SIPA1L1: variants seen among roughly 807,000 people sequenced by gnomAD.
SIPA1L1 encodes signal-induced proliferation-associated 1-like protein 1.
A neutral mutation model predicts 162.7 loss-of-function variants in SIPA1L1; 26 were observed. The ratio of observed to expected loss-of-function variants is 0.16; its 90% confidence interval spans 0.12 to 0.22. The LOEUF (loss-of-function observed/expected upper bound fraction) is 0.22. SIPA1L1 is among the 10% of genes least tolerant of loss of function. The probability of loss-of-function intolerance (pLI) is 1.00; values close to 1 mark genes in which losing one functional copy is unlikely to be tolerated. For missense variants in SIPA1L1, 1,874 were observed against 2,241.0 expected (o/e 0.84, Z 3.31); for synonymous variants, 829 against 837.4 (o/e 0.99, Z 0.17).
At chr14:71,391,604 G>GGTCA (rs2040764617) in intron 2 of SIPA1L1, among the ~76,000 whole-genome samples, 1 of 152,190 alleles carries the variant, frequency 6.6e-6, no homozygotes, top group Admixed American at 6.5e-5. Flanking sequence ...GTTCTGTAAA[G>GGTCA]GTCAGTGCTA....
intron 2 of SIPA1L1, among the ~76,000 whole-genome samples, chr14:71,474,725 T>A (rs1029778403): frequency 3.9e-5 from 6 of 152,334 alleles, no homozygotes; most frequent in Non-Finnish European, 7.4e-5. Flanking sequence ...CTCCCCTGAT[T>A]GGTATCTTCG....
intron 7 of SIPA1L1, among the ~76,000 whole-genome samples, chr14:71,640,932 A>C (rs2041647931): frequency 6.6e-6 from 1 of 152,286 alleles, no homozygotes; most frequent in South Asian, 2.1e-4. Context: ...GCCTATATTG[A>C]AACTCTAAAA....
Position 71,377,275 on chromosome 14 carries a change from G to C in SIPA1L1, c.-465+56094G>C, listed in dbSNP as rs1221152439. Among the ~76,000 whole-genome samples, 1 of 151,662 alleles carries C rather than the reference G, an allele frequency of 6.6e-6. No homozygotes were observed. The highest frequency in any genetic ancestry group is 1.5e-5 in the Non-Finnish European group (1 of 67,862). On this transcript the variant is annotated intron_variant, in intron 2 of 23. Transcript: ENST00000381232. This position sits in a 1 kb window ranked among gnomAD's most constrained non-coding sequence, Gnocchi z 4.8. ...CTCCCAGACGGGGCGGCGGCCGGAC[G>C]GGGGCGTTCTCCACTTCTCAGACAG...
intron 2 of SIPA1L1, among the ~76,000 whole-genome samples, chr14:71,498,090 G>A (rs2049929249): frequency 6.6e-6 from 1 of 152,200 alleles, no homozygotes; most frequent in Non-Finnish European, 1.5e-5. Flanking sequence ...ATGGCTAATG[G>A]TGGTTTCAGA....
intron 13 of SIPA1L1, among the ~76,000 whole-genome samples, chr14:71,690,291 G>T (rs978229789): frequency 6.6e-6 from 1 of 151,672 alleles, no homozygotes; most frequent in Non-Finnish European, 1.5e-5. Flanking sequence ...TCACTCTGTC[G>T]CAGTGGCATT....
intron 7 of SIPA1L1, among the ~76,000 whole-genome samples, chr14:71,641,263 C>T (rs2041682943): frequency 6.7e-6 from 1 of 149,072 alleles, no homozygotes; most frequent in Non-Finnish European, 1.5e-5. Flanking sequence ...GTTCTGTCCA[C>T]CCTAAACAAG....
intron 2 of SIPA1L1, among the ~76,000 whole-genome samples, chr14:71,504,685 C>A (rs1315286981): frequency 6.6e-6 from 1 of 152,024 alleles, no homozygotes; most frequent in Admixed American, 6.6e-5. Flanking sequence ...GCTAAGATGC[C>A]AGGAAATATA....
At chr14:71,559,577 CTG>C (rs2056620663) in intron 4 of SIPA1L1, among the ~76,000 whole-genome samples, 2 of 152,140 alleles carry the variant, frequency 1.3e-5, no homozygotes, top group African/African-American at 4.8e-5. Flanking sequence ...ATGTGAAACA[CTG>C]TAACATTTTC....
At chr14:71,392,986 A>G (rs778348186) in intron 2 of SIPA1L1, among the ~76,000 whole-genome samples, 7 of 152,234 alleles carry the variant, frequency 4.6e-5, no homozygotes, top group East Asian at 1.9e-4. Context: ...TTGCCTTACC[A>G]TATTGATACT....
chr14:71,381,995 A>G (rs1325004052), intron 2 of SIPA1L1, among the ~76,000 whole-genome samples: 1 of 152,132 alleles, frequency 6.6e-6, no homozygotes, highest in African/African-American at 2.4e-5. Context: ...GTTCTTTTTA[A>G]AAGTCATCAG....
intron 7 of SIPA1L1, among the ~76,000 whole-genome samples, chr14:71,645,669 A>C (rs1307500642): frequency 1.3e-5 from 2 of 152,234 alleles, no homozygotes; most frequent in Non-Finnish European, 2.9e-5. Flanking sequence ...GAGAAAAAGA[A>C]TGCAAGGAGT....
chr14:71,393,222 A>G (rs568861660), intron 2 of SIPA1L1, among the ~76,000 whole-genome samples: 1 of 152,294 alleles, frequency 6.6e-6, no homozygotes, highest in East Asian at 1.9e-4. Context: ...CTCCTTAAAA[A>G]TTGTCAAGTT....
At chr14:71,681,786 T>C (rs2045833145) in intron 12 of SIPA1L1, among the ~76,000 whole-genome samples, 1 of 152,146 alleles carries the variant, frequency 6.6e-6, no homozygotes, top group Non-Finnish European at 1.5e-5. Context: ...TTCTCTATAT[T>C]CCACAGGGTC....
chr14:71,717,424 T>C (rs186218336), intron 17 of SIPA1L1, among the ~76,000 whole-genome samples: 1 of 152,358 alleles, frequency 6.6e-6, no homozygotes, highest in African/African-American at 2.4e-5. Context: ...ACTCACTTCT[T>C]ATACATTGAG....
At chr14:71,350,316 G>A (rs1181627571) in intron 2 of SIPA1L1, among the ~76,000 whole-genome samples, 1 of 152,096 alleles carries the variant, frequency 6.6e-6, no homozygotes, top group East Asian at 1.9e-4. Context: ...GCTGAGGCAG[G>A]AGAATTGCTT....
intron 10 of SIPA1L1, 92 bp downstream of exon 10, chr14:71,661,559 G>A (rs2043513644): frequency 5.3e-6 from 7 of 1,331,468 alleles, no homozygotes; most frequent in Admixed American, 2.2e-5. Flanking sequence ...AGTGGCAATG[G>A]GAAGTCTATT....
chr14:71,728,324 G>T (rs1453991327), intron 19 of SIPA1L1, among the ~76,000 whole-genome samples: 1 of 152,208 alleles, frequency 6.6e-6, no homozygotes, highest in African/African-American at 2.4e-5. Context: ...TCCACAAAAA[G>T]AGAAGGGAAA....
Position 71,502,340 on chromosome 14 carries a change from G to C in SIPA1L1, c.-464-10403G>C, listed in dbSNP as rs930229330. On this transcript the variant is annotated intron_variant, in intron 2 of 23. Coordinates refer to ENST00000381232, the MANE Select transcript of SIPA1L1 (RefSeq NM_001386936.1). ...TGTAACCTCCGCCTCCAGGGTTTAAGTGATTCTCATGCCTCAGCCTCCCGA... is the reference window on the plus strand; with the variant it reads ...TGTAACCTCCGCCTCCAGGGTTTAACTGATTCTCATGCCTCAGCCTCCCGA... Among the ~76,000 whole-genome samples the C allele has an allele frequency of 2.9e-4, 44 of 149,930 alleles. 2 individuals are homozygous for C. The highest frequency in any genetic ancestry group is 4.6e-4 in the Non-Finnish European group (31 of 67,682).
intron 17 of SIPA1L1, among the ~76,000 whole-genome samples, chr14:71,721,419 C>T (rs1288548092): frequency 1.3e-5 from 2 of 152,196 alleles, no homozygotes; most frequent in Non-Finnish European, 2.9e-5. Context: ...CCACCCAAGG[C>T]CCGTGGTGAC....
Sources: allele counts gnomAD v4.1 joint callset (sites outside exome capture counted in the v4.1 genomes callset), GRCh38; gene constraint gnomAD v4.1.1; non-coding constraint Gnocchi (gnomAD v3.1); transcripts MANE v1.5; gene names NCBI Gene and HGNC (gene_info 2026-07-23, HGNC 2026-07-21).